The following DOCK1 variants were observed in gnomAD, a reference collection of about 807,000 sequenced individuals.
DOCK1 encodes dedicator of cytokinesis 1.
In DOCK1, 138 loss-of-function variants were observed where a neutral mutation model predicts 262.7. The ratio of observed to expected loss-of-function variants is 0.53; its 90% CI spans 0.46 to 0.61. DOCK1 has a LOEUF of 0.61. DOCK1 is among the 20% of genes least tolerant of loss of function. The pLI, the probability that DOCK1 is intolerant of heterozygous loss-of-function variation, is 0.00. For missense variants in DOCK1, 1,908 were observed against 2,370.7 expected (o/e 0.80, Z 4.05); for synonymous variants, 866 against 867.4 (o/e 1.00, Z 0.03).
At chr10:127,255,598 G>T (rs2059803468) in intron 28 of DOCK1, among the ~76,000 whole-genome samples, 1 of 152,126 alleles carries the variant, frequency 6.6e-6, no homozygotes, top group African/African-American at 2.4e-5. Flanking sequence ...AGGACGCCTT[G>T]CAGAACCTCA....
intron 28 of DOCK1, among the ~76,000 whole-genome samples, chr10:127,248,757 C>G (rs1410267674): frequency 2.6e-5 from 4 of 152,162 alleles, no homozygotes; most frequent in African/African-American, 9.7e-5. Flanking sequence ...CTCTAAGATT[C>G]CATTTCTAAG....
At chr10:127,306,248 C>A (rs2061871722) in intron 29 of DOCK1, among the ~76,000 whole-genome samples, 1 of 152,140 alleles carries the variant, frequency 6.6e-6, no homozygotes, top group Admixed American at 6.5e-5. Flanking sequence ...CTCCTGACTT[C>A]AGGTGATCCG....
chr10:127,438,958 A>T (rs533789315), intron 48 of DOCK1, 69 bp from the exon 49 acceptor site: 5 of 1,425,052 alleles, frequency 3.5e-6, no homozygotes, highest in Non-Finnish European at 4.7e-6. Context: ...ATTGTGAGTG[A>T]CTTTACACGT....
At chr10:127,006,631 A>G (rs924762430) in intron 10 of DOCK1, among the ~76,000 whole-genome samples, 1 of 152,194 alleles carries the variant, frequency 6.6e-6, no homozygotes, top group African/African-American at 2.4e-5. Context: ...TGGTGACGTC[A>G]AGGCCTTCTC....
chr10:127,382,876 G>A (rs903847992), intron 37 of DOCK1, among the ~76,000 whole-genome samples: 1 of 152,212 alleles, frequency 6.6e-6, no homozygotes, highest in African/African-American at 2.4e-5. Flanking sequence ...GTCACAAACT[G>A]CATGATGGTT....
chr10:126,919,281 T>G (rs1403061012), intron 1 of DOCK1, among the ~76,000 whole-genome samples: 1 of 152,240 alleles, frequency 6.6e-6, no homozygotes, highest in Non-Finnish European at 1.5e-5. Flanking sequence ...ATAACTTATT[T>G]TCTTTAACAT....
intron 47 of DOCK1, among the ~76,000 whole-genome samples, chr10:127,428,966 C>T (rs77024892): frequency 2.1e-4 from 5 of 23,804 alleles, no homozygotes; most frequent in South Asian, 1.8e-3. Context: ...TGTGTGGATT[C>T]GGGTACCATG....
chr10:127,381,170 G>C (rs2065805314), intron 36 of DOCK1, 108 bp from the exon 37 acceptor site: 15 of 857,632 alleles, frequency 1.7e-5, no homozygotes, highest in Non-Finnish European at 2.3e-5. Flanking sequence ...ATTGTAAAAA[G>C]GAAGTGTAGC....
chr10:127,081,955 C>A (rs369021913), intron 23 of DOCK1, among the ~76,000 whole-genome samples: 1 of 152,166 alleles, frequency 6.6e-6, no homozygotes, highest in African/African-American at 2.4e-5. Flanking sequence ...GATGCTCATA[C>A]ATGTGGTGGT....
At chr10:127,129,073 A>G (rs2050148568) in intron 27 of DOCK1, among the ~76,000 whole-genome samples, 1 of 152,136 alleles carries the variant, frequency 6.6e-6, no homozygotes, top group African/African-American at 2.4e-5. Flanking sequence ...CTTCTTGGAC[A>G]GCATAGTCAG....
chr10:127,127,377 A>C (rs1592129685), intron 26 of DOCK1, among the ~76,000 whole-genome samples: 1 of 152,352 alleles, frequency 6.6e-6, no homozygotes, highest in Non-Finnish European at 1.5e-5. Flanking sequence ...TGGGCTAATC[A>C]GGGATCATAA....
intron 29 of DOCK1, among the ~76,000 whole-genome samples, chr10:127,333,172 G>A (rs1236578407): frequency 2.6e-5 from 4 of 152,122 alleles, no homozygotes; most frequent in Admixed American, 6.5e-5. Context: ...CTGTCTTCAT[G>A]CCCAAGGGAT....
At chr10:127,312,615 GC>G (rs1439703279) in intron 29 of DOCK1, among the ~76,000 whole-genome samples, 1 of 152,176 alleles carries the variant, frequency 6.6e-6, no homozygotes, top group Non-Finnish European at 1.5e-5. Context: ...TTGAGGACTA[GC>G]CCCTGCCAAA....
At chr10:127,325,216 G>T (rs1020191282) in intron 29 of DOCK1, among the ~76,000 whole-genome samples, 1 of 152,090 alleles carries the variant, frequency 6.6e-6, no homozygotes, top group East Asian at 1.9e-4. Context: ...AAGAATAGCC[G>T]AAGCACCCAC....
At chr10:127,342,812 G>A (rs1434024392) in intron 30 of DOCK1, among the ~76,000 whole-genome samples, 3 of 151,988 alleles carry the variant, frequency 2.0e-5, no homozygotes, top group Admixed American at 6.6e-5. Flanking sequence ...TTGAAATATG[G>A]GTTTATTGAA....
At chr10:127,171,527 C>T (rs1308174027) in intron 27 of DOCK1, among the ~76,000 whole-genome samples, 5 of 152,078 alleles carry the variant, frequency 3.3e-5, no homozygotes, top group South Asian at 2.1e-4. Flanking sequence ...TCATGGGCTC[C>T]GAGGTGCCTG....
At chr10:127,023,552 T>G (rs926005528) in intron 14 of DOCK1, among the ~76,000 whole-genome samples, 3 of 150,428 alleles carry the variant, frequency 2.0e-5, no homozygotes, top group Non-Finnish European at 4.4e-5. Flanking sequence ...CTTTTTTTTT[T>G]TTTTTTTTGA....
At chr10:127,386,650 C>T (rs2066138715) in intron 38 of DOCK1, among the ~76,000 whole-genome samples, 2 of 151,924 alleles carry the variant, frequency 1.3e-5, no homozygotes, top group Non-Finnish European at 2.9e-5. Flanking sequence ...AGTTCAGGCT[C>T]CCACTGATTC....
chr10:127,442,876 T>C (rs556883523), intron 49 of DOCK1, among the ~76,000 whole-genome samples: 1 of 152,358 alleles, frequency 6.6e-6, no homozygotes, highest in South Asian at 2.1e-4. Context: ...TCAGCCACTT[T>C]TGCATCTATA....
Sources: allele counts gnomAD v4.1 joint callset (sites outside exome capture counted in the v4.1 genomes callset), GRCh38; gene constraint gnomAD v4.1.1; transcripts MANE v1.5; gene names NCBI Gene and HGNC (gene_info 2026-07-23, HGNC 2026-07-21).